Variants in CDKN2B-AS1 observed in about 807,000 individuals in gnomAD.
CDKN2B-AS1 encodes the protein CDKN2B and CDKN2A antisense cis and trans regulatory RNA 1.
chr9:22,012,158 C>T (rs1387577387), intron 1 of CDKN2B-AS1: 12 of 1,301,720 alleles, frequency 9.2e-6, no homozygotes, highest in Non-Finnish European at 1.3e-5. Context: ...CACAGAGATG[C>T]AGATCTTTGT....
At chr9:22,049,743 C>T (rs1823262232) in intron 3 of CDKN2B-AS1, among the ~76,000 whole-genome samples, 1 of 152,196 alleles carries the variant, frequency 6.6e-6, no homozygotes, top group Non-Finnish European at 1.5e-5. Flanking sequence ...TGTTTATACA[C>T]TTAAGGCATC....
chr9:22,085,139 C>T (rs1303318819), intron 4 of CDKN2B-AS1, among the ~76,000 whole-genome samples: 1 of 152,144 alleles, frequency 6.6e-6, no homozygotes, highest in African/African-American at 2.4e-5. Context: ...AAAAGAACTT[C>T]TATCTATAAA....
At chr9:22,042,072 C>T (rs1822918880) in intron 1 of CDKN2B-AS1, among the ~76,000 whole-genome samples, 1 of 151,974 alleles carries the variant, frequency 6.6e-6, no homozygotes, top group Admixed American at 6.6e-5. Context: ...GAAGGACTAG[C>T]CCAGCAGGTT....
At chr9:22,023,378 C>T (rs911635418) in intron 1 of CDKN2B-AS1, among the ~76,000 whole-genome samples, 5 of 152,056 alleles carry the variant, frequency 3.3e-5, no homozygotes, top group Non-Finnish European at 5.9e-5. Flanking sequence ...AGGTAGTCTT[C>T]AAGCTTGGAA....
chr9:22,011,022 G>C (rs550666759), intron 1 of CDKN2B-AS1, among the ~76,000 whole-genome samples: 1 of 152,334 alleles, frequency 6.6e-6, no homozygotes, highest in African/African-American at 2.4e-5. Context: ...AGGCAGATGT[G>C]TGAGCTTCGC....
chr9:22,033,313 G>C (rs1563935517), intron 1 of CDKN2B-AS1, among the ~76,000 whole-genome samples: 1 of 152,182 alleles, frequency 6.6e-6, no homozygotes, highest in Non-Finnish European at 1.5e-5. Context: ...AGTAGCTAAA[G>C]CTAGCCTTCT....
chr9:22,094,603 A>G (rs1318796836), intron 4 of CDKN2B-AS1, among the ~76,000 whole-genome samples: 1 of 144,370 alleles, frequency 6.9e-6, no homozygotes, highest in Non-Finnish European at 1.5e-5. Flanking sequence ...AGTTGATCGA[A>G]TCGGCTACTG....
At chr9:22,014,758 C>T (rs1308937495) in intron 1 of CDKN2B-AS1, among the ~76,000 whole-genome samples, 2 of 113,930 alleles carry the variant, frequency 1.8e-5, no homozygotes. Context: ...ATCCCTCCCC[C>T]CTCCCCCCAC....
chr9:22,001,569 T>C lies in CDKN2B-AS1; in HGVS notation n.29+6408T>C, dbSNP rs1021132451. On this transcript the variant is annotated intron_variant and non_coding_transcript_variant, in intron 1 of 4. Coordinates refer to ENST00000650946, the Ensembl canonical transcript of CDKN2B-AS1. This position sits in a 1 kb window ranked among gnomAD's most constrained non-coding sequence, Gnocchi z 4.2. ...GTGCTTAATATACAATCCATGCCAA[T>C]TACATATTATTAATTAGTGGCACTA... 9.2e-5 allele frequency among the ~76,000 whole-genome samples: 14 copies of C among 152,174 alleles called. No homozygotes were observed. The highest frequency in any genetic ancestry group is 1.5e-4 in the Non-Finnish European group (10 of 67,980).
chr9:22,003,666 A>G (rs915958609), intron 1 of CDKN2B-AS1: 7 of 230,836 alleles, frequency 3.0e-5, no homozygotes, highest in African/African-American at 1.5e-4. Context: ...ATAACTAGAA[A>G]TATATTTTCT....
Position 22,115,079 on chromosome 9 carries a change from G to A in CDKN2B-AS1, n.439-12024G>A, listed in dbSNP as rs10965234. On this transcript the variant is annotated intron_variant and non_coding_transcript_variant, in intron 4 of 4. Coordinates refer to ENST00000650946, the Ensembl canonical transcript of CDKN2B-AS1. The stretch of plus-strand genomic sequence containing the variant: ...CCCCCATCTTCAATGAGCACCAAAT[G>A]GTAATTATAGATTCCCAGCTGTAGA... 2.0e-5 allele frequency among the ~76,000 whole-genome samples: 3 copies of A among 151,940 alleles called. No homozygotes were observed. In the South Asian group the frequency reaches 6.2e-4, roughly 31 times the overall value.
At chr9:22,034,778 A>T (rs575552213) in intron 1 of CDKN2B-AS1, among the ~76,000 whole-genome samples, 1 of 152,196 alleles carries the variant, frequency 6.6e-6, no homozygotes, top group African/African-American at 2.4e-5. Context: ...TGTAATAAAG[A>T]CTCACCCATA....
chr9:22,054,971 C>T (rs1823495457), intron 3 of CDKN2B-AS1, among the ~76,000 whole-genome samples: 1 of 151,998 alleles, frequency 6.6e-6, no homozygotes, highest in South Asian at 2.1e-4. Flanking sequence ...AGGCTGGTCT[C>T]GAACTCCTGA....
At chr9:22,093,752 T>G (rs1036658091) in intron 4 of CDKN2B-AS1, among the ~76,000 whole-genome samples, 4 of 144,332 alleles carry the variant, frequency 2.8e-5, no homozygotes, top group African/African-American at 1.2e-4. Flanking sequence ...AGCACACTGA[T>G]GGGTCTTGAC....
At chr9:22,101,665 A>AACACACACACACACAC (rs748040681) in intron 4 of CDKN2B-AS1, among the ~76,000 whole-genome samples, 19 of 125,506 alleles carry the variant, frequency 1.5e-4, no homozygotes, top group African/African-American at 4.5e-4. Flanking sequence ...AACCCTCTTC[A>AACACACACACACACAC]ACACACACAC....
Position 22,115,359 on chromosome 9 carries a change from A to G in CDKN2B-AS1, n.439-11744A>G, listed in dbSNP as rs189526294. On this transcript the variant is annotated intron_variant and non_coding_transcript_variant, in intron 4 of 4. Transcript: ENST00000650946. The stretch of plus-strand genomic sequence containing the variant: ...GGTACTAACACTTATGCCAGGACGC[A>G]TGCATAAACTAGGATGGTTCTGAGA... Among the ~76,000 whole-genome samples, 24 of 152,272 alleles carry G rather than the reference A, an allele frequency of 1.6e-4. No homozygotes were observed. In the East Asian group the frequency reaches 4.6e-3, roughly 29 times the overall value.
At chr9:22,099,774 T>A (rs1341451434) in intron 4 of CDKN2B-AS1, among the ~76,000 whole-genome samples, 2 of 152,128 alleles carry the variant, frequency 1.3e-5, no homozygotes, top group African/African-American at 4.8e-5. Flanking sequence ...CAGTACATAT[T>A]CAGTATGCCA....
intron 1 of CDKN2B-AS1, among the ~76,000 whole-genome samples, chr9:22,038,122 C>T (rs901652103): frequency 2.0e-5 from 3 of 151,922 alleles, no homozygotes; most frequent in South Asian, 2.1e-4. Context: ...AGATACAAAA[C>T]TGAAGGAAGC....
chr9:22,066,894 G>A (rs1466206263), intron 4 of CDKN2B-AS1, among the ~76,000 whole-genome samples: 3 of 152,100 alleles, frequency 2.0e-5, no homozygotes, highest in African/African-American at 7.2e-5. Flanking sequence ...CATAAAAAGG[G>A]ATGAGTTCTT....
Sources: gnomAD v4.1 joint callset for allele counts (sites outside exome capture counted in the v4.1 genomes callset) on GRCh38, gnomAD v4.1.1 for gene constraint, Gnocchi (gnomAD v3.1) non-coding constraint, MANE v1.5 for transcripts, NCBI Gene and HGNC (gene_info 2026-07-23, HGNC 2026-07-21) for gene names.